The following DLGAP2 variants were observed in gnomAD, a reference collection of about 807,000 sequenced individuals.
DLGAP2 encodes DLG associated protein 2.
In DLGAP2, 26 loss-of-function variants were observed where a neutral mutation model predicts 100.3. The observed-to-expected ratio is 0.26, with a 90% CI of 0.19 to 0.36. The LOEUF is 0.36. Ranked by LOEUF, DLGAP2 falls within the 10% of genes least tolerant of loss-of-function variation. DLGAP2 has a pLI of 1.00. For missense variants in DLGAP2, 1,858 were observed against 1,453.2 expected (o/e 1.28, Z -4.53); for synonymous variants, 886 against 630.1 (o/e 1.41, Z -6.08).
At chr8:1,503,406 C>A (rs980093847) in intron 4 of DLGAP2, among the ~76,000 whole-genome samples, 1 of 152,130 alleles carries the variant, frequency 6.6e-6, no homozygotes, top group Non-Finnish European at 1.5e-5. Context: ...GCTCATTTCA[C>A]ATGGGGTAAT....
chr8:1,171,196 G>A (rs4336633), intron 2 of DLGAP2, among the ~76,000 whole-genome samples: 23,182 of 152,174 alleles, frequency 0.15, 2,163 homozygotes, highest in Admixed American at 0.23. Flanking sequence ...GCGGTTTTGA[G>A]TGAGTTTCTT....
intron 6 of DLGAP2, among the ~76,000 whole-genome samples, chr8:1,595,296 A>G (rs1280195316): frequency 2.0e-5 from 3 of 151,988 alleles, no homozygotes; most frequent in Non-Finnish European, 1.5e-5. Flanking sequence ...TTTATTGACA[A>G]ATAACATAAA....
chr8:1,452,145 C>G (rs545514415), intron 3 of DLGAP2, among the ~76,000 whole-genome samples: 4 of 152,388 alleles, frequency 2.6e-5, no homozygotes, highest in Non-Finnish European at 5.9e-5. Context: ...TCTGTCAAGA[C>G]ACTGCCTCAG....
chr8:1,286,378 A>T (rs368840790), intron 3 of DLGAP2, among the ~76,000 whole-genome samples: 1 of 152,212 alleles, frequency 6.6e-6, no homozygotes, highest in African/African-American at 2.4e-5. Flanking sequence ...TAATATACCA[A>T]TGAATACAAT....
chr8:845,804 G>C (rs572200000), intron 1 of DLGAP2, among the ~76,000 whole-genome samples: 1 of 152,216 alleles, frequency 6.6e-6, no homozygotes, highest in South Asian at 2.1e-4. Context: ...GTTACATTTA[G>C]GTCTTTGATC....
At position 1,548,678 on chromosome 8, in the gene DLGAP2, G is replaced by A. The variant is rs745854754; in HGVS notation, c.225G>A (p.Ser75=). Reference sequence around the variant, plus strand: ...AGCACTTCAATGAGGAGCGCTACTCGCCCGCGCCCAGGAGCATGAAGGGCC... The same window carrying A: ...AGCACTTCAATGAGGAGCGCTACTCACCCGCGCCCAGGAGCATGAAGGGCC... ...PTQHFNEERY[S]PAPRSMKGLS... is the part of the protein sequence containing the mutation. The change falls in exon 5 of 15, where the codon TCG becomes TCA. Residue 75 remains serine, a synonymous_variant. Transcript: ENST00000637795. 9.4e-6 allele frequency: 15 copies of A among 1,599,810 alleles called. No individual in the cohort carries two copies. The highest frequency in any genetic ancestry group is 1.3e-5 in the African/African-American group (1 of 74,396).
chr8:1,448,747 A>C (rs143009008), intron 3 of DLGAP2, among the ~76,000 whole-genome samples: 1 of 152,210 alleles, frequency 6.6e-6, no homozygotes, highest in Non-Finnish European at 1.5e-5. Context: ...TGGAGACCCA[A>C]CATTTTTGTT....
Position 987,725 on chromosome 8 carries a change from G to T in DLGAP2, c.73+79759G>T, listed in dbSNP as rs948072270. Among the ~76,000 whole-genome samples, 8 of 152,112 alleles carry T rather than the reference G, an allele frequency of 5.3e-5. No homozygotes were observed. The East Asian group carries it at 7.7e-4, about 15-fold the overall frequency. On this transcript the variant is annotated intron_variant, in intron 2 of 14. Coordinates refer to ENST00000637795, the MANE Select transcript of DLGAP2 (RefSeq NM_001346810.2). ...AGGTGGGTAATTAGTCCAAGCCGAC[G>T]ACAAGCCCACTCCTTTCACCAAGGC...
intron 3 of DLGAP2, among the ~76,000 whole-genome samples, chr8:1,488,026 GCT>G (rs1406741110): frequency 9.2e-6 from 1 of 108,206 alleles, no homozygotes. Flanking sequence ...TTCCATCATC[GCT>G]GAGAGTCTTC....
Position 737,803 on chromosome 8 carries a change from C to G in DLGAP2, c.-5C>G, listed in dbSNP as rs1447711768. 2.6e-6 allele frequency: 1 copy of G among 379,234 alleles called. No homozygotes were observed. Among genetic ancestry groups the G allele is most frequent in the South Asian group, 1.3e-4 (1 of 7,728 alleles). 23.5% of individuals were successfully genotyped at this position (379,234 alleles called of 1,614,324 possible). The stretch of plus-strand genomic sequence containing the variant: ...CCGCACCTGCTGAGCCCGGAGCGTC[C>G]GAGGATGTCCGCGCTGAGGAAGGTG... On this transcript the variant is annotated 5_prime_UTR_variant, in exon 1 of 15. Transcript: ENST00000637795.
At chr8:1,391,889 G>A (rs1796366021) in intron 3 of DLGAP2, among the ~76,000 whole-genome samples, 2 of 152,358 alleles carry the variant, frequency 1.3e-5, no homozygotes, top group Middle Eastern at 3.4e-3. Flanking sequence ...GAACGCTTGT[G>A]CGTCCACCTT....
chr8:752,826 C>T (rs992250518), intron 1 of DLGAP2, among the ~76,000 whole-genome samples: 1 of 152,164 alleles, frequency 6.6e-6, no homozygotes, highest in African/African-American at 2.4e-5. Flanking sequence ...GGGCACTGCA[C>T]GTCGGGCTCA....
rs76032855 is a variant in DLGAP2, at chr8:750,229, C to T, written c.18+12404C>T. 2.0e-4 allele frequency among the ~76,000 whole-genome samples: 30 copies of T among 152,350 alleles called. 2 individuals carry two copies. In the East Asian group the frequency reaches 5.2e-3, roughly 27 times the overall value. ...GCTCTCTCTAGACACGCGCATCCAC[C>T]CTGGCACCACCCGTGGGCACTGGCC... On this transcript the variant is annotated intron_variant, in intron 1 of 14. Transcript: ENST00000637795.
chr8:1,316,318 G>A (rs181199463), intron 3 of DLGAP2, among the ~76,000 whole-genome samples: 1 of 127,704 alleles, frequency 7.8e-6, no homozygotes, highest in Non-Finnish European at 1.6e-5. Context: ...CGAGAAACTT[G>A]GCAGCGTTTA....
Position 1,582,206 on chromosome 8 carries a change from T to G in DLGAP2, c.1442+16312T>G, listed in dbSNP as rs529043298. ...GGATACAGACAAACCCCCACACACA[T>G]GTACACACCACAGTCAAACTACCAG... On this transcript the variant is annotated intron_variant, in intron 6 of 14. Transcript: ENST00000637795. 2.2e-3 allele frequency among the ~76,000 whole-genome samples: 279 copies of G among 127,968 alleles called. 4 individuals are homozygous for G. The highest frequency in any genetic ancestry group is 3.1e-4 in the Non-Finnish European group (20 of 63,960). The allele number at this position is 127,968 out of a possible 152,430, so 84.0% of individuals were successfully genotyped here.
Position 1,295,881 on chromosome 8 carries a change from C to T in DLGAP2, c.106+36998C>T, listed in dbSNP as rs187315376. Among the ~76,000 whole-genome samples the T allele has an allele frequency of 6.0e-3, 906 of 152,264 alleles. 11 individuals are homozygous for T. The highest frequency in any genetic ancestry group is 0.031 in the Admixed American group (476 of 15,302). ...ATGGCACCTGCCTGGGAATTGGAAA[C>T]GATTTCAGGAGCCTTAATTAATGAA... is the stretch of plus-strand genomic sequence containing the variant. On this transcript the variant is annotated intron_variant, in intron 3 of 14. Coordinates refer to ENST00000637795, the MANE Select transcript of DLGAP2 (RefSeq NM_001346810.2).
intron 3 of DLGAP2, among the ~76,000 whole-genome samples, chr8:1,326,053 C>T (rs961022468): frequency 6.6e-6 from 1 of 152,184 alleles, no homozygotes; most frequent in African/African-American, 2.4e-5. Flanking sequence ...GTTCAATAAG[C>T]AGGAAAAATG....
rs1421579157 is a variant in DLGAP2 at position 1,385,180 on chromosome 8, C to T, written c.107-116186C>T. 3.7e-3 allele frequency among the ~76,000 whole-genome samples: 200 copies of T among 54,092 alleles called. 1 individual carries two copies. Among genetic ancestry groups the T allele is most frequent in the African/African-American group, 0.013 (185 of 14,304 alleles). The allele number at this position is 54,092 out of a possible 152,430, so 35.5% of individuals were successfully genotyped here. On this transcript the variant is annotated intron_variant, in intron 3 of 14. Coordinates refer to ENST00000637795, the MANE Select transcript of DLGAP2 (RefSeq NM_001346810.2). The stretch of plus-strand genomic sequence containing the variant: ...GGTGCACAGTTACCCCGGCCTATGC[C>T]CGTCCCCTGAGAACTTGGTGCACAG...
chr8:1,003,566 G>T (rs1315567078), intron 2 of DLGAP2, among the ~76,000 whole-genome samples: 2 of 152,240 alleles, frequency 1.3e-5, no homozygotes, highest in Non-Finnish European at 2.9e-5. Flanking sequence ...AGCATTGGTT[G>T]AAGCCACTGT....
Sources: gnomAD v4.1 joint callset for allele counts (sites outside exome capture counted in the v4.1 genomes callset) on GRCh38, gnomAD v4.1.1 for gene constraint, MANE v1.5 for transcripts, NCBI Gene and HGNC (gene_info 2026-07-23, HGNC 2026-07-21) for gene names.